NRXN3: variants seen among roughly 807,000 people sequenced by gnomAD.
The protein encoded by NRXN3 is neurexin 3.
Under a neutral mutation model 137.6 loss-of-function variants are expected in NRXN3, and 32 were observed. The observed-to-expected ratio is 0.23, with a 90% confidence interval of 0.18 to 0.31. The LOEUF is 0.31. Among genes scored for constraint, NRXN3 ranks in the 10% least tolerant of loss-of-function variants. NRXN3 has a pLI of 1.00. For synonymous variants in NRXN3, 798 were observed against 784.5 expected (o/e 1.02, Z -0.29); for missense variants, 1,574 against 2,062.5 (o/e 0.76, Z 4.59).
intron 15 of NRXN3, among the ~76,000 whole-genome samples, chr14:79,111,765 T>G (rs544606405): frequency 8.6e-5 from 13 of 150,432 alleles, no homozygotes; most frequent in Non-Finnish European, 1.6e-4. Context: ...TATTAGCAAG[T>G]ATAAATGTAT....
At chr14:78,639,348 C>T (rs182713952) in intron 4 of NRXN3, among the ~76,000 whole-genome samples, 2 of 152,212 alleles carry the variant, frequency 1.3e-5, no homozygotes, top group African/African-American at 2.4e-5. Flanking sequence ...TGAGGCTCAT[C>T]ATCAGGAAGC....
intron 17 of NRXN3, among the ~76,000 whole-genome samples, chr14:79,671,796 G>T (rs1567844351): frequency 6.6e-6 from 1 of 151,834 alleles, no homozygotes; most frequent in Non-Finnish European, 1.5e-5. Flanking sequence ...ATGTCTCTAA[G>T]AAGCTGATAA....
intron 1 of NRXN3, among the ~76,000 whole-genome samples, chr14:78,215,378 C>A (rs1294739466): frequency 1.3e-5 from 2 of 152,268 alleles, no homozygotes; most frequent in African/African-American, 4.8e-5. Flanking sequence ...TGCCTCATGT[C>A]TAAAGGCTCC....
intron 4 of NRXN3, among the ~76,000 whole-genome samples, chr14:78,432,584 G>A (rs2093927387): frequency 6.6e-6 from 1 of 152,198 alleles, no homozygotes; most frequent in Admixed American, 6.5e-5. Context: ...GAGTTTTGGT[G>A]GCCTGGGCAA....
chr14:79,802,152 A>T (rs886543775), intron 19 of NRXN3, among the ~76,000 whole-genome samples: 5 of 151,932 alleles, frequency 3.3e-5, no homozygotes, highest in African/African-American at 1.2e-4. Flanking sequence ...TTTGGTTTCT[A>T]CTGAAGTTAT....
intron 16 of NRXN3, among the ~76,000 whole-genome samples, chr14:79,580,855 A>T (rs1478645018): frequency 6.6e-6 from 1 of 152,148 alleles, no homozygotes; most frequent in Non-Finnish European, 1.5e-5. Context: ...AATGAAATAG[A>T]GTTGGGGAGG....
chr14:79,637,920 G>T (rs2098414011), intron 16 of NRXN3, among the ~76,000 whole-genome samples: 2 of 112,066 alleles, frequency 1.8e-5, no homozygotes, highest in South Asian at 5.2e-4. Flanking sequence ...AGTAGAGATG[G>T]GTTTTCAACA....
chr14:78,847,720 TC>T (rs2099031292), intron 10 of NRXN3, among the ~76,000 whole-genome samples: 2 of 152,084 alleles, frequency 1.3e-5, no homozygotes, highest in South Asian at 4.2e-4. Flanking sequence ...CGATTACCCT[TC>T]CCCTTTTATC....
intron 16 of NRXN3, among the ~76,000 whole-genome samples, chr14:79,513,060 A>T (rs953126856): frequency 6.6e-6 from 1 of 152,208 alleles, no homozygotes; most frequent in Non-Finnish European, 1.5e-5. Context: ...AACTAAAATA[A>T]ATTAAATAGG....
rs370669288 is a variant in NRXN3, at chr14:78,602,267, C to CTTTTTTTTTTTTTTTTTTT, written c.758-42850_758-42832dup. Among the ~76,000 whole-genome samples the CTTTTTTTTTTTTTTTTTTT allele has an allele frequency of 3.9e-4, 45 of 115,258 alleles. 2 individuals are homozygous for CTTTTTTTTTTTTTTTTTTT. In the East Asian group the frequency reaches 7.5e-3, roughly 19 times the overall value. 75.6% of individuals were successfully genotyped at this position (115,258 alleles called of 152,430 possible). On this transcript the variant is annotated intron_variant, in intron 4 of 20. Coordinates refer to ENST00000335750, the MANE Select transcript of NRXN3 (RefSeq NM_001330195.2). The stretch of plus-strand genomic sequence containing the variant: ...GGTTTGGTTTGCATTTCACATTAGC[C>CTTTTTTTTTTTTTTTTTTT]TTTTTTTTTTTTTTTTTTTTTAAAT...
chr14:78,280,565 G>T (rs1204812191), intron 3 of NRXN3, among the ~76,000 whole-genome samples: 2 of 152,192 alleles, frequency 1.3e-5, no homozygotes, highest in African/African-American at 4.8e-5. Flanking sequence ...GTGACCAGGG[G>T]TCACCACATA....
At chr14:78,631,963 A>T (rs958925242) in intron 4 of NRXN3, among the ~76,000 whole-genome samples, 47 of 151,854 alleles carry the variant, frequency 3.1e-4, no homozygotes, top group Admixed American at 1.4e-3. Flanking sequence ...AAATACAAAA[A>T]ATTAGCCGGG....
intron 19 of NRXN3, among the ~76,000 whole-genome samples, chr14:79,750,853 G>A (rs574716045): frequency 6.6e-6 from 1 of 152,122 alleles, no homozygotes; most frequent in African/African-American, 2.4e-5. Flanking sequence ...TAAAATGTCA[G>A]GGTGACCAGA....
chr14:79,657,820 A>G (rs17836260), intron 16 of NRXN3, among the ~76,000 whole-genome samples: 6,631 of 152,300 alleles, frequency 0.044, 239 homozygotes, highest in South Asian at 0.1. Context: ...TGTTTTGCCT[A>G]AGATTTATTG....
chr14:78,184,032 T>G (rs1380209280), intron 1 of NRXN3, among the ~76,000 whole-genome samples: 1 of 152,204 alleles, frequency 6.6e-6, no homozygotes, highest in East Asian at 1.9e-4. Context: ...CAAATGTGAG[T>G]TGATGATTTT....
intron 10 of NRXN3, among the ~76,000 whole-genome samples, chr14:78,812,645 C>G (rs2098917856): frequency 1.3e-5 from 2 of 152,178 alleles, no homozygotes; most frequent in Admixed American, 1.3e-4. Flanking sequence ...AGCAGGTTTT[C>G]TTAATCTGAT....
At chr14:78,546,277 T>C (rs2096635894) in intron 4 of NRXN3, among the ~76,000 whole-genome samples, 1 of 152,220 alleles carries the variant, frequency 6.6e-6, no homozygotes, top group South Asian at 2.1e-4. Flanking sequence ...AAGTGATATT[T>C]CATTGTTATT....
chr14:78,542,334 T>G lies in NRXN3; in HGVS notation c.758-102786T>G, dbSNP rs144751370. ...GGCAGTAGGCCTTCTTGAGCTGTGG[T>G]GGGCTCTGCCCAGTTTGAGCTTCCA... is the stretch of plus-strand genomic sequence containing the variant. On this transcript the variant is annotated intron_variant, in intron 4 of 20. Transcript: ENST00000335750. Among the ~76,000 whole-genome samples, 514 of 152,350 alleles carry G rather than the reference T, an allele frequency of 3.4e-3. 4 individuals are homozygous for G. The highest frequency in any genetic ancestry group is 0.012 in the African/African-American group (488 of 41,588).
At chr14:79,063,980 CA>C in intron 15 of NRXN3, among the ~76,000 whole-genome samples, 1 of 152,076 alleles carries the variant, frequency 6.6e-6, no homozygotes, top group South Asian at 2.1e-4. Flanking sequence ...TTCATAAAAA[CA>C]AGTATGTGTG....
Sources: gnomAD v4.1 joint callset for allele counts (sites outside exome capture counted in the v4.1 genomes callset) on GRCh38, gnomAD v4.1.1 for gene constraint, MANE v1.5 for transcripts, NCBI Gene and HGNC (gene_info 2026-07-23, HGNC 2026-07-21) for gene names.